The following MAGI2 variants were observed in gnomAD, a reference collection of about 807,000 sequenced individuals.
MAGI2 encodes membrane associated guanylate kinase, WW and PDZ domain containing 2, also known as membrane-associated guanylate kinase, WW and PDZ domain-containing protein 2.
In MAGI2, 35 loss-of-function variants were observed where a neutral mutation model predicts 133.3. The ratio of observed to expected loss-of-function variants is 0.26; its 90% CI spans 0.20 to 0.35. The LOEUF is 0.35. Ranked by LOEUF, MAGI2 falls within the 10% of genes least tolerant of loss-of-function variation. The pLI is 1.00. For missense variants in MAGI2, 1,636 were observed against 1,863.4 expected (o/e 0.88, Z 2.25); for synonymous variants, 729 against 710.6 (o/e 1.03, Z -0.41).
chr7:78,531,710 A>G (rs749628473), intron 3 of MAGI2, among the ~76,000 whole-genome samples: 1 of 152,224 alleles, frequency 6.6e-6, no homozygotes, highest in Non-Finnish European at 1.5e-5. Flanking sequence ...GAGCCTTTCA[A>G]GGACATTACT....
chr7:78,916,850 G>A (rs1240819888), intron 2 of MAGI2, among the ~76,000 whole-genome samples: 1 of 152,140 alleles, frequency 6.6e-6, no homozygotes, highest in Non-Finnish European at 1.5e-5. Flanking sequence ...ACTTTGTTCT[G>A]TGACATTCTG....
chr7:79,082,106 A>T (rs1781849471), intron 1 of MAGI2, among the ~76,000 whole-genome samples: 1 of 152,082 alleles, frequency 6.6e-6, no homozygotes, highest in Admixed American at 6.6e-5. Flanking sequence ...GTCTTTATAT[A>T]TTCTGAATAC....
chr7:79,311,136 A>T (rs1156805252), intron 1 of MAGI2, among the ~76,000 whole-genome samples: 2 of 152,170 alleles, frequency 1.3e-5, no homozygotes, highest in Non-Finnish European at 2.9e-5. Flanking sequence ...AACTGCTCAT[A>T]AAAGATCACC....
chr7:79,200,866 C>T (rs1828550852), intron 1 of MAGI2, among the ~76,000 whole-genome samples: 1 of 151,914 alleles, frequency 6.6e-6, no homozygotes, highest in Non-Finnish European at 1.5e-5. Flanking sequence ...ATTTTTCCAG[C>T]ATTAGCATCA....
chr7:79,089,976 C>T (rs1816907167), intron 1 of MAGI2, among the ~76,000 whole-genome samples: 1 of 151,668 alleles, frequency 6.6e-6, no homozygotes, highest in South Asian at 2.1e-4. Flanking sequence ...ACATTCTGCA[C>T]ATGTATCCCA....
chr7:78,977,447 C>A (rs1804363277), intron 2 of MAGI2, among the ~76,000 whole-genome samples: 2 of 137,988 alleles, frequency 1.4e-5, no homozygotes, highest in Non-Finnish European at 3.2e-5. Context: ...TAAGCAAAGA[C>A]CTTACAATTT....
At chr7:78,903,107 ATGAACATG>A in intron 2 of MAGI2, among the ~76,000 whole-genome samples, 1 of 147,372 alleles carries the variant, frequency 6.8e-6, no homozygotes, top group Middle Eastern at 3.6e-3. Flanking sequence ...TCTAAAACAT[ATGAACATG>A]TGAACACATT....
At chr7:78,605,529 A>G (rs999851831) in intron 3 of MAGI2, among the ~76,000 whole-genome samples, 1 of 152,212 alleles carries the variant, frequency 6.6e-6, no homozygotes, top group Admixed American at 6.5e-5. Context: ...TATGCTATTA[A>G]CTATGCCAGG....
At chr7:79,347,067 T>G (rs1008779481) in intron 1 of MAGI2, among the ~76,000 whole-genome samples, 7 of 151,960 alleles carry the variant, frequency 4.6e-5, no homozygotes, top group Non-Finnish European at 1.0e-4. Flanking sequence ...GCAACAATCC[T>G]CACCTTTTTT....
intron 1 of MAGI2, among the ~76,000 whole-genome samples, chr7:79,175,433 A>G (rs1161412983): frequency 6.6e-6 from 1 of 151,870 alleles, no homozygotes; most frequent in Non-Finnish European, 1.5e-5. Context: ...TTTTCTAAGG[A>G]TTTCCCTAAA....
chr7:79,094,422 G>T (rs537884765), intron 1 of MAGI2, among the ~76,000 whole-genome samples: 2 of 152,172 alleles, frequency 1.3e-5, no homozygotes, highest in African/African-American at 4.8e-5. Flanking sequence ...ACCATTCAAA[G>T]CCATCCATGA....
chr7:78,429,401 C>A (rs528952376), intron 6 of MAGI2, among the ~76,000 whole-genome samples: 1 of 152,156 alleles, frequency 6.6e-6, no homozygotes, highest in African/African-American at 2.4e-5. Context: ...GGCTTACAGG[C>A]AGCGGTTTCA....
chr7:78,826,113 G>T (rs1350374251), intron 2 of MAGI2, among the ~76,000 whole-genome samples: 1 of 152,070 alleles, frequency 6.6e-6, no homozygotes, highest in Non-Finnish European at 1.5e-5. Context: ...AGCACTTTGG[G>T]AGGCCGAGGC....
chr7:78,871,311 A>AAATAAT (rs528142949), intron 2 of MAGI2, among the ~76,000 whole-genome samples: 30 of 151,588 alleles, frequency 2.0e-4, no homozygotes, highest in East Asian at 7.7e-4. Context: ...CTCCATCTCA[A>AAATAAT]AATAATAATA....
chr7:79,251,355 A>G (rs1003284649), intron 1 of MAGI2, among the ~76,000 whole-genome samples: 7 of 152,162 alleles, frequency 4.6e-5, no homozygotes, highest in Admixed American at 2.6e-4. Context: ...GAGATTATTA[A>G]CCAGAATATA....
intron 3 of MAGI2, among the ~76,000 whole-genome samples, chr7:78,525,484 A>T (rs1796871933): frequency 6.6e-6 from 1 of 152,220 alleles, no homozygotes; most frequent in African/African-American, 2.4e-5. Flanking sequence ...GTAACGTACC[A>T]GTATGTTTTC....
At position 78,019,303 on chromosome 7, in the gene MAGI2, T is replaced by C. The variant is rs1487615997; in HGVS notation, c.*12A>G. On this transcript the variant is annotated 3_prime_UTR_variant, in exon 22 of 22. Coordinates refer to ENST00000354212, the MANE Select transcript of MAGI2 (RefSeq NM_012301.4). ...TGCGCCGGGGCGGGCGGGTTGGCCG[T>C]GGCCGCGCGGCTCATCTGCTGGCGG... The C allele has an allele frequency of 1.9e-6, 3 of 1,568,514 alleles. No homozygotes were observed. Among genetic ancestry groups the C allele is most frequent in the African/African-American group, 2.7e-5 (2 of 73,164 alleles).
At chr7:79,096,266 C>T (rs55658891) in intron 1 of MAGI2, among the ~76,000 whole-genome samples, 6,298 of 152,114 alleles carry the variant, frequency 0.041, 409 homozygotes, top group African/African-American at 0.14. Context: ...TCCCCAGTGC[C>T]CTCCCAGTAA....
At chr7:78,626,403 G>A (rs1352187807) in intron 3 of MAGI2, among the ~76,000 whole-genome samples, 1 of 152,074 alleles carries the variant, frequency 6.6e-6, no homozygotes, top group Non-Finnish European at 1.5e-5. Flanking sequence ...CACTTTTACA[G>A]ATGAGACAAC....
Sources: allele counts gnomAD v4.1 joint callset (sites outside exome capture counted in the v4.1 genomes callset), GRCh38; gene constraint gnomAD v4.1.1; transcripts MANE v1.5; gene names NCBI Gene and HGNC (gene_info 2026-07-23, HGNC 2026-07-21).